Variants in PPM1H observed in about 807,000 individuals in gnomAD.
PPM1H encodes protein phosphatase 1H.
A neutral mutation model predicts 54.9 loss-of-function variants in PPM1H; 27 were observed. That is an observed-to-expected ratio of 0.49 (90% CI 0.36 to 0.68). The LOEUF is 0.68. Among genes scored for constraint, PPM1H ranks in the 30% least tolerant of loss-of-function variants. The probability of loss-of-function intolerance (pLI) is 0.00; values close to 1 mark genes in which losing one functional copy is unlikely to be tolerated. For missense variants in PPM1H, 596 were observed against 667.8 expected, an observed-to-expected ratio of 0.89 and a Z score of 1.19; for synonymous variants, 305 against 270.8, an observed-to-expected ratio of 1.13 and a Z score of -1.24.
rs549496108 is a variant in PPM1H at position 62,744,166 on chromosome 12, TAAAA to T, written c.870-6584_870-6581del. 1.0e-3 allele frequency among the ~76,000 whole-genome samples: 131 copies of T among 129,420 alleles called. 1 individual carries two copies. The highest frequency in any genetic ancestry group is 3.9e-3 in the Middle Eastern group (1 of 254). The allele number at this position is 129,420 out of a possible 152,430, so 84.9% of individuals were successfully genotyped here. ...TATTCTATAAGCCATTATACAGTCA[TAAAA>T]AAAAAAAAAAAAAAAAAAGGCCAGG... On this transcript the variant is annotated intron_variant, in intron 4 of 9. Coordinates refer to ENST00000228705, the MANE Select transcript of PPM1H (RefSeq NM_020700.2).
intron 9 of PPM1H, among the ~76,000 whole-genome samples, chr12:62,665,695 AT>A (rs532132584): frequency 3.3e-5 from 5 of 152,110 alleles, no homozygotes; most frequent in South Asian, 2.1e-4. Flanking sequence ...TTGTTTAGTC[AT>A]TTTTTTAGTC....
chr12:62,824,720 C>G (rs1014120398), intron 2 of PPM1H, among the ~76,000 whole-genome samples: 4 of 152,138 alleles, frequency 2.6e-5, no homozygotes, highest in Non-Finnish European at 4.4e-5. Context: ...GAAACTGGAT[C>G]CCTTCCTTAC....
At chr12:62,811,044 CA>C (rs2120776866) in intron 2 of PPM1H, among the ~76,000 whole-genome samples, 1 of 152,228 alleles carries the variant, frequency 6.6e-6, no homozygotes, top group African/African-American at 2.4e-5. Flanking sequence ...GTTAGAAAAA[CA>C]AAGTGCATGG....
At chr12:62,816,674 A>T (rs1293026970) in intron 2 of PPM1H, among the ~76,000 whole-genome samples, 1 of 152,148 alleles carries the variant, frequency 6.6e-6, no homozygotes, top group East Asian at 1.9e-4. Flanking sequence ...AATTAATACC[A>T]GCAAGGCACT....
chr12:62,739,657 C>T (rs1245859121), intron 4 of PPM1H, among the ~76,000 whole-genome samples: 2 of 152,208 alleles, frequency 1.3e-5, no homozygotes, highest in Non-Finnish European at 2.9e-5. Context: ...TCCTCTAGGA[C>T]CTGAGTGCCA....
rs886547295 is a variant in PPM1H at position 62,838,832 on chromosome 12, A to G, written c.246-6553T>C. Among the ~76,000 whole-genome samples, 13 of 121,976 alleles carry G rather than the reference A, an allele frequency of 1.1e-4. 1 individual carries two copies. The highest frequency in any genetic ancestry group is 1.8e-4 in the African/African-American group (5 of 28,140). The allele number at this position is 121,976 out of a possible 152,430, so 80.0% of individuals were successfully genotyped here. ...GCTACTCGGGAGGCTGAGGCAGGAGAATGGCGTGAACCCGGGAGGCGGAGC... is the reference window on the plus strand; with the variant it reads ...GCTACTCGGGAGGCTGAGGCAGGAGGATGGCGTGAACCCGGGAGGCGGAGC... On this transcript the variant is annotated intron_variant, in intron 1 of 9. Transcript: ENST00000228705.
chr12:62,922,737 C>T lies in PPM1H; in HGVS notation c.245+11755G>A, dbSNP rs181805895. ...CCACACCAGAAAAAGAGCAGCTGAG[C>T]GGGTACTCTGCTTTCCCTAAGCTGT... is the stretch of plus-strand genomic sequence containing the variant. On this transcript the variant is annotated intron_variant, in intron 1 of 9. Coordinates refer to ENST00000228705, the MANE Select transcript of PPM1H (RefSeq NM_020700.2). Among the ~76,000 whole-genome samples the T allele has an allele frequency of 5.3e-5, 8 of 152,270 alleles. No homozygotes were observed. The East Asian group carries it at 5.8e-4, about 11-fold the overall frequency.
chr12:62,739,753 G>A (rs2076371727), intron 4 of PPM1H, among the ~76,000 whole-genome samples: 1 of 152,222 alleles, frequency 6.6e-6, no homozygotes, highest in Non-Finnish European at 1.5e-5. Flanking sequence ...GATTAAAGGA[G>A]CAGATGAAAG....
chr12:62,837,762 A>G (rs1210689455), intron 1 of PPM1H, among the ~76,000 whole-genome samples: 2 of 152,238 alleles, frequency 1.3e-5, no homozygotes, highest in Non-Finnish European at 2.9e-5. Flanking sequence ...ATAATAATAC[A>G]CCAAATGCAA....
chr12:62,680,179 G>T (rs342163), intron 8 of PPM1H, among the ~76,000 whole-genome samples: 88,445 of 151,992 alleles, frequency 0.58, 28,168 homozygotes, highest in African/African-American at 0.86. Context: ...CCTTGCTGAT[G>T]CTGCCTGGGA....
intron 1 of PPM1H, among the ~76,000 whole-genome samples, chr12:62,919,200 T>C (rs1157755084): frequency 1.3e-5 from 2 of 152,252 alleles, no homozygotes; most frequent in East Asian, 1.9e-4. Flanking sequence ...AAGACTGTTT[T>C]TCAACAAGAA....
At chr12:62,840,473 A>G (rs754325929) in intron 1 of PPM1H, among the ~76,000 whole-genome samples, 1 of 152,182 alleles carries the variant, frequency 6.6e-6, no homozygotes, top group Non-Finnish European at 1.5e-5. Context: ...TGCTTGAATT[A>G]ATGCCATACT....
Position 62,689,747 on chromosome 12 carries a change from C to T in PPM1H, c.1197G>A (p.Val399=). 1 of 1,613,810 alleles carries T rather than the reference C, an allele frequency of 6.2e-7. No homozygotes were observed. Among genetic ancestry groups the T allele is most frequent in the Non-Finnish European group, 8.5e-7 (1 of 1,179,822 alleles). Residue 399 remains valine (V), a synonymous_variant, in exon 8 of 10, where the codon GTG becomes GTA. Transcript: ENST00000228705. Reference sequence around the variant, plus strand: ...GTTTAATGTAGATGTTGGAGTCATGCACCTTCAGGTCATGGTCCCCAAGTC... The same window carrying T: ...GTTTAATGTAGATGTTGGAGTCATGTACCTTCAGGTCATGGTCCCCAAGTC... The part of the protein sequence containing the change: ...TRGLGDHDLK[V]HDSNIYIKPF...
At chr12:62,800,386 G>T (rs370994675) in intron 3 of PPM1H, among the ~76,000 whole-genome samples, 1 of 151,894 alleles carries the variant, frequency 6.6e-6, no homozygotes, top group East Asian at 2.0e-4. Flanking sequence ...GCCCAGGCTG[G>T]AGTGCAGTGG....
chr12:62,719,842 C>T (rs2076254238), intron 6 of PPM1H, among the ~76,000 whole-genome samples: 1 of 152,204 alleles, frequency 6.6e-6, no homozygotes, highest in South Asian at 2.1e-4. Flanking sequence ...GCCATTCTAC[C>T]TCTTTAATAA....
chr12:62,813,624 G>A (rs925006174), intron 2 of PPM1H, among the ~76,000 whole-genome samples: 2 of 152,176 alleles, frequency 1.3e-5, no homozygotes, highest in African/African-American at 4.8e-5. Context: ...TAGAAAACAT[G>A]AGCAAATAAG....
chr12:62,819,196 C>T (rs1376725588), intron 2 of PPM1H, among the ~76,000 whole-genome samples: 1 of 141,540 alleles, frequency 7.1e-6, no homozygotes, highest in East Asian at 2.1e-4. Flanking sequence ...GTGGCGTGAT[C>T]TCAGCTCACT....
intron 8 of PPM1H, among the ~76,000 whole-genome samples, chr12:62,684,680 T>C (rs1385981596): frequency 6.6e-6 from 1 of 152,022 alleles, no homozygotes; most frequent in African/African-American, 2.4e-5. Flanking sequence ...AGAACCCAAA[T>C]GTGAAATAAA....
intron 4 of PPM1H, among the ~76,000 whole-genome samples, chr12:62,767,363 C>T (rs337522): frequency 1 from 152,011 of 152,298 alleles, 75,862 homozygotes; most frequent in South Asian, 1. Context: ...TCCTAGAGGC[C>T]GAGCAGAGAG....
Sources: gnomAD v4.1 joint callset for allele counts (sites outside exome capture counted in the v4.1 genomes callset) on GRCh38, gnomAD v4.1.1 for gene constraint, MANE v1.5 for transcripts, NCBI Gene and HGNC (gene_info 2026-07-23, HGNC 2026-07-21) for gene names.